DNAH6: variants seen among roughly 807,000 people sequenced by gnomAD.
DNAH6 encodes the protein axonemal beta dynein heavy chain 6.
DNAH6 carries 340 observed loss-of-function variants against 491.4 expected under a neutral mutation model. That is an observed-to-expected ratio of 0.69 (90% CI 0.63 to 0.76). The LOEUF (loss-of-function observed/expected upper bound fraction) is 0.76. Ranked by LOEUF, DNAH6 falls within the 30% of genes least tolerant of loss-of-function variation. The pLI, the probability that DNAH6 is intolerant of heterozygous loss-of-function variation, is 0.00. For synonymous variants in DNAH6, 1,603 were observed against 1,686.1 expected, an observed-to-expected ratio of 0.95 and a Z score of 1.21; for missense variants, 4,443 against 4,972.2, an observed-to-expected ratio of 0.89 and a Z score of 3.20.
chr2:84,612,185 G>A (rs1433136639), intron 22 of DNAH6, among the ~76,000 whole-genome samples: 1 of 152,146 alleles, frequency 6.6e-6, no homozygotes, highest in East Asian at 1.9e-4. Flanking sequence ...TTTTGACAAC[G>A]AGACAAATAT....
At chr2:84,611,961 C>CA (rs1686384881) in intron 22 of DNAH6, 107 bp downstream of exon 22, 3 of 969,402 alleles carry the variant, frequency 3.1e-6, no homozygotes, top group Non-Finnish European at 4.5e-6. Context: ...ACATATGGTC[C>CA]ATTCAACCCT....
the DNAH6 span, among the ~76,000 whole-genome samples, chr2:84,462,330 C>T: frequency 6.6e-6 from 1 of 152,182 alleles, no homozygotes; most frequent in Non-Finnish European, 1.5e-5. Flanking sequence ...CTACTTCTAA[C>T]CAGGAAGTCC....
At chr2:84,642,177 A>G in intron 33 of DNAH6, 123 bp downstream of exon 33, 2 of 693,034 alleles carry the variant, frequency 2.9e-6, no homozygotes, top group Non-Finnish European at 4.9e-6. Flanking sequence ...GGAGAAACTT[A>G]TTTTGCAGTT....
chr2:84,680,425 A>G (rs6749290), intron 41 of DNAH6, among the ~76,000 whole-genome samples: 147,033 of 152,262 alleles, frequency 0.97, 71,037 homozygotes, highest in East Asian at 1. Context: ...GAGAAGATCA[A>G]AGAGACTGAT....
At chr2:84,751,729 G>C (rs903346642) in intron 63 of DNAH6, among the ~76,000 whole-genome samples, 1 of 152,188 alleles carries the variant, frequency 6.6e-6, no homozygotes, top group Admixed American at 6.5e-5. Flanking sequence ...GCTAAGACAA[G>C]TTCTCTACAC....
the DNAH6 span, among the ~76,000 whole-genome samples, chr2:84,489,416 T>C: frequency 2.0e-5 from 3 of 152,262 alleles, no homozygotes; most frequent in African/African-American, 7.2e-5. Context: ...TTTTATGATA[T>C]GATAAACCTA....
At chr2:84,656,051 T>C (rs1237515676) in intron 35 of DNAH6, among the ~76,000 whole-genome samples, 1 of 152,148 alleles carries the variant, frequency 6.6e-6, no homozygotes, top group Non-Finnish European at 1.5e-5. Context: ...TGAAATCATA[T>C]AGTACATAGC....
chr2:84,796,280 A>T, intron 68 of DNAH6, 26 bp from the exon 69 acceptor site: 1 of 1,429,442 alleles, frequency 7.0e-7, no homozygotes, highest in Non-Finnish European at 9.2e-7. Flanking sequence ...AACAGCAATA[A>T]TTTCAAAATA....
intron 45 of DNAH6, among the ~76,000 whole-genome samples, chr2:84,691,959 G>A (rs1230206053): frequency 1.3e-5 from 2 of 152,248 alleles, no homozygotes; most frequent in Admixed American, 1.3e-4. Flanking sequence ...TGTCTGAGGA[G>A]CAGGAGAGGG....
chr2:84,492,166 G>C, the DNAH6 span, among the ~76,000 whole-genome samples: 1 of 152,214 alleles, frequency 6.6e-6, no homozygotes. Flanking sequence ...CTTTCTGAGA[G>C]CTAAGTAGGG....
chr2:84,789,768 C>G (rs1394629604), intron 68 of DNAH6, among the ~76,000 whole-genome samples: 1 of 152,164 alleles, frequency 6.6e-6, no homozygotes, highest in African/African-American at 2.4e-5. Context: ...CTATTCAGGC[C>G]TCTCATCAAA....
intron 9 of DNAH6, among the ~76,000 whole-genome samples, chr2:84,551,563 CA>C (rs1679369119): frequency 6.6e-6 from 1 of 152,108 alleles, no homozygotes; most frequent in Non-Finnish European, 1.5e-5. Flanking sequence ...ATCACATTCC[CA>C]CTATTTCAAA....
rs566315529 is a variant in DNAH6, at chr2:84,739,091, G to A, written c.10342+5512G>A. On this transcript the variant is annotated intron_variant, in intron 62 of 76. Coordinates refer to ENST00000389394, the MANE Select transcript of DNAH6 (RefSeq NM_001370.2). The stretch of plus-strand genomic sequence containing the variant: ...AACACTTTATTTCTCCTTCATTTAT[G>A]AAGCTTAGCATGGAAGGATATGAAA... 8.5e-5 allele frequency among the ~76,000 whole-genome samples: 13 copies of A among 152,268 alleles called. No homozygotes were observed. The East Asian group carries it at 2.5e-3, about 29-fold the overall frequency.
intron 31 of DNAH6, among the ~76,000 whole-genome samples, chr2:84,639,604 G>C (rs1558836508): frequency 6.6e-6 from 1 of 151,992 alleles, no homozygotes; most frequent in African/African-American, 2.4e-5. Flanking sequence ...ATTTTTAGTA[G>C]AGATGGGGTT....
At chr2:84,528,756 T>C in intron 3 of DNAH6, 148 bp from the exon 4 acceptor site, 2 of 719,750 alleles carry the variant, frequency 2.8e-6, no homozygotes, top group Non-Finnish European at 4.4e-6. Context: ...AACAATAGTT[T>C]GAAAATTTTC....
At chr2:84,728,010 C>G in intron 61 of DNAH6, 108 bp downstream of exon 61, 1 of 709,052 alleles carries the variant, frequency 1.4e-6, no homozygotes, top group East Asian at 2.7e-5. Context: ...TAGGATGGAC[C>G]TGGTGGGAGA....
chr2:84,504,717 A>G, the DNAH6 span, among the ~76,000 whole-genome samples: 110 of 152,310 alleles, frequency 7.2e-4, no homozygotes, highest in Non-Finnish European at 1.3e-3. Flanking sequence ...ATATTCATCT[A>G]TATGTCTATT....
At chr2:84,560,328 T>C (rs367658353) in intron 11 of DNAH6, among the ~76,000 whole-genome samples, 1 of 151,794 alleles carries the variant, frequency 6.6e-6, no homozygotes, top group Non-Finnish European at 1.5e-5. Flanking sequence ...ACATACGAAG[T>C]AAGGCAATAA....
chr2:84,614,224 C>A (rs1686608314), intron 22 of DNAH6, among the ~76,000 whole-genome samples: 1 of 152,018 alleles, frequency 6.6e-6, no homozygotes, highest in African/African-American at 2.4e-5. Context: ...TCCATTGTAT[C>A]ATTCTTACAC....
Sources: gnomAD v4.1 joint callset for allele counts (sites outside exome capture counted in the v4.1 genomes callset) on GRCh38, gnomAD v4.1.1 for gene constraint, MANE v1.5 for transcripts, NCBI Gene and HGNC (gene_info 2026-07-23, HGNC 2026-07-21) for gene names.